Variants in LHFPL6 observed in about 807,000 individuals in gnomAD.
LHFPL6 encodes the protein LHFPL tetraspan subfamily member 6.
LHFPL6 carries 9 observed loss-of-function variants against 20.6 expected under a neutral mutation model. The ratio of observed to expected loss-of-function variants is 0.44; its 90% confidence interval spans 0.26 to 0.76. The LOEUF is 0.76. LHFPL6 is among the 30% of genes least tolerant of loss of function. The pLI is 0.20. For synonymous variants in LHFPL6, 105 were observed against 98.7 expected (o/e 1.06, Z -0.38); for missense variants, 218 against 253.5 (o/e 0.86, Z 0.95).
intron 2 of LHFPL6, among the ~76,000 whole-genome samples, chr13:39,521,019 G>T (rs1452828356): frequency 6.6e-6 from 1 of 152,176 alleles, no homozygotes; most frequent in Non-Finnish European, 1.5e-5. Flanking sequence ...CACCAGGCAT[G>T]ATCTGAAAAC....
chr13:39,346,426 C>T (rs963336662), intron 3 of LHFPL6, among the ~76,000 whole-genome samples: 1 of 152,200 alleles, frequency 6.6e-6, no homozygotes, highest in Non-Finnish European at 1.5e-5. Flanking sequence ...TGGAGCTTTA[C>T]ATGGAGTAAA....
intron 2 of LHFPL6, among the ~76,000 whole-genome samples, chr13:39,416,150 A>G (rs1871343586): frequency 6.6e-6 from 1 of 152,236 alleles, no homozygotes; most frequent in Non-Finnish European, 1.5e-5. Flanking sequence ...GTCTTTGATG[A>G]GAGTAAGAGT....
Position 39,585,348 on chromosome 13 carries a change from G to C in LHFPL6, c.385+15484C>G, listed in dbSNP as rs117818505. ...CAAAAATGTGATATGGCAAATATATGAGAACTATAAATTACACTAGATTGA... is the reference window on the plus strand; with the variant it reads ...CAAAAATGTGATATGGCAAATATATCAGAACTATAAATTACACTAGATTGA... On this transcript the variant is annotated intron_variant, in intron 2 of 3. Coordinates refer to ENST00000379589, the MANE Select transcript of LHFPL6 (RefSeq NM_005780.3). Among the ~76,000 whole-genome samples, 1,356 of 152,304 alleles carry C rather than the reference G, an allele frequency of 8.9e-3. 11 individuals carry two copies. The highest frequency in any genetic ancestry group is 0.012 in the Non-Finnish European group (803 of 68,026).
At chr13:39,535,490 T>A (rs1870589446) in intron 2 of LHFPL6, among the ~76,000 whole-genome samples, 1 of 152,190 alleles carries the variant, frequency 6.6e-6, no homozygotes, top group South Asian at 2.1e-4. Flanking sequence ...TAAAAAAAAT[T>A]AAAATGCATT....
intron 2 of LHFPL6, among the ~76,000 whole-genome samples, chr13:39,423,869 A>G (rs922237574): frequency 6.6e-6 from 1 of 152,166 alleles, no homozygotes; most frequent in Non-Finnish European, 1.5e-5. Context: ...GTACTGTGAC[A>G]TGCTTATATT....
At chr13:39,427,576 T>C (rs1258860649) in intron 2 of LHFPL6, among the ~76,000 whole-genome samples, 3 of 152,178 alleles carry the variant, frequency 2.0e-5, no homozygotes, top group African/African-American at 2.4e-5. Context: ...GTCATTTAAA[T>C]TGATTTTTTT....
intron 2 of LHFPL6, among the ~76,000 whole-genome samples, chr13:39,441,887 T>C (rs1310648034): frequency 1.4e-5 from 2 of 144,362 alleles, no homozygotes; most frequent in African/African-American, 5.2e-5. Flanking sequence ...TGGAGTGCAA[T>C]GGTGCTGCCT....
chr13:39,577,887 C>T (rs1304969201), intron 2 of LHFPL6, among the ~76,000 whole-genome samples: 2 of 151,926 alleles, frequency 1.3e-5, no homozygotes, highest in African/African-American at 4.8e-5. Flanking sequence ...GCAATCTGCC[C>T]ACCTCAGCCA....
chr13:39,383,578 T>G (rs992008889), intron 2 of LHFPL6, among the ~76,000 whole-genome samples: 4 of 152,196 alleles, frequency 2.6e-5, no homozygotes, highest in African/African-American at 9.6e-5. Context: ...GTGCTAGATA[T>G]AAGACACACT....
intron 2 of LHFPL6, among the ~76,000 whole-genome samples, chr13:39,481,154 A>G (rs1365680519): frequency 2.0e-5 from 3 of 152,196 alleles, no homozygotes. Context: ...ATGCCTTAAC[A>G]ACACAGGAAA....
chr13:39,385,726 C>T (rs1460092343), intron 2 of LHFPL6, among the ~76,000 whole-genome samples: 2 of 152,222 alleles, frequency 1.3e-5, no homozygotes, highest in African/African-American at 4.8e-5. Context: ...GTACTTAACA[C>T]TTAGCCAGCG....
chr13:39,460,396 G>A (rs1011529947), intron 2 of LHFPL6, among the ~76,000 whole-genome samples: 4 of 152,144 alleles, frequency 2.6e-5, no homozygotes, highest in African/African-American at 9.7e-5. Context: ...TAATTATGGT[G>A]GAAATATTAA....
chr13:39,453,987 T>G (rs1440659104), intron 2 of LHFPL6, among the ~76,000 whole-genome samples: 2 of 149,056 alleles, frequency 1.3e-5, no homozygotes, highest in African/African-American at 4.9e-5. Context: ...TACACTTCGA[T>G]TGAGTTCTTT....
intron 2 of LHFPL6, among the ~76,000 whole-genome samples, chr13:39,480,793 C>T (rs541642113): frequency 4.5e-4 from 69 of 152,200 alleles, no homozygotes; most frequent in African/African-American, 1.6e-3. Flanking sequence ...CTTTTACCAA[C>T]AGTATTGAAA....
At chr13:39,518,878 A>T (rs1448190082) in intron 2 of LHFPL6, among the ~76,000 whole-genome samples, 1 of 152,232 alleles carries the variant, frequency 6.6e-6, no homozygotes, top group Non-Finnish European at 1.5e-5. Flanking sequence ...CCAGTCCACG[A>T]TGGAACACGT....
intron 2 of LHFPL6, among the ~76,000 whole-genome samples, chr13:39,485,277 C>T (rs1359133661): frequency 1.3e-5 from 2 of 152,110 alleles, no homozygotes; most frequent in African/African-American, 2.4e-5. Context: ...CAAAACAATG[C>T]CTTAGAGGCA....
intron 2 of LHFPL6, among the ~76,000 whole-genome samples, chr13:39,424,927 T>A (rs1871598429): frequency 6.6e-6 from 1 of 152,146 alleles, no homozygotes; most frequent in Admixed American, 6.5e-5. Flanking sequence ...AAGCAACATA[T>A]AATAAATGCC....
intron 2 of LHFPL6, among the ~76,000 whole-genome samples, chr13:39,600,484 A>G (rs1454164455): frequency 6.6e-6 from 1 of 152,236 alleles, no homozygotes; most frequent in Non-Finnish European, 1.5e-5. Flanking sequence ...TTCCATGAAG[A>G]CAAAGATAAT....
intron 2 of LHFPL6, among the ~76,000 whole-genome samples, chr13:39,391,529 ATGTG>A (rs1870708644): frequency 6.6e-6 from 1 of 152,200 alleles, no homozygotes; most frequent in African/African-American, 2.4e-5. Context: ...ATACATACAT[ATGTG>A]TGTATCAAAC....
Sources: allele counts gnomAD v4.1 joint callset (sites outside exome capture counted in the v4.1 genomes callset), GRCh38; gene constraint gnomAD v4.1.1; transcripts MANE v1.5; gene names NCBI Gene and HGNC (gene_info 2026-07-23, HGNC 2026-07-21).